Variants in MYOM1 observed in about 807,000 individuals in gnomAD.
The protein encoded by MYOM1 is myomesin-1.
A neutral mutation model predicts 205.3 loss-of-function variants in MYOM1; 164 were observed. That is an observed-to-expected ratio of 0.80 (90% CI 0.70 to 0.91). The LOEUF (loss-of-function observed/expected upper bound fraction) is 0.91, where lower values mean the gene tolerates loss of function less well. Ranked by LOEUF, MYOM1 falls within the 40% of genes least tolerant of loss-of-function variation. The pLI is 0.00. For synonymous variants in MYOM1, 772 were observed against 789.4 expected (o/e 0.98, Z 0.37); for missense variants, 2,011 against 2,127.3 (o/e 0.95, Z 1.08).
At chr18:3,193,060 G>C (rs2080933986) in intron 3 of MYOM1, among the ~76,000 whole-genome samples, 1 of 151,810 alleles carries the variant, frequency 6.6e-6, no homozygotes, top group Non-Finnish European at 1.5e-5. Flanking sequence ...CTTGAGCCCA[G>C]GAGTTCAAGA....
intron 23 of MYOM1, 72 bp downstream of exon 23, chr18:3,102,402 T>C: frequency 7.2e-7 from 1 of 1,398,162 alleles, no homozygotes; most frequent in Non-Finnish European, 9.7e-7. Flanking sequence ...GCAATTTAAG[T>C]GGAAATCAGA....
intron 2 of MYOM1, among the ~76,000 whole-genome samples, chr18:3,199,140 G>A (rs1164072334): frequency 1.6e-4 from 25 of 152,152 alleles, no homozygotes; most frequent in Admixed American, 1.6e-3. Context: ...TAGTCCATAA[G>A]GTAGTTCAAC....
At chr18:3,181,235 C>T (rs2080726399) in intron 5 of MYOM1, among the ~76,000 whole-genome samples, 1 of 152,068 alleles carries the variant, frequency 6.6e-6, no homozygotes, top group African/African-American at 2.4e-5. Context: ...CAAAGATGAT[C>T]TTTAATATAC....
At chr18:3,215,400 G>A (rs900068566) in intron 1 of MYOM1, 149 bp from the exon 2 acceptor site, 6 of 683,448 alleles carry the variant, frequency 8.8e-6, no homozygotes, top group Middle Eastern at 8.2e-4. Flanking sequence ...GAGGCCGGGA[G>A]CTCAAAATCA....
chr18:3,156,846 T>C (rs1223050148), intron 10 of MYOM1, among the ~76,000 whole-genome samples: 2 of 152,106 alleles, frequency 1.3e-5, no homozygotes, highest in Non-Finnish European at 2.9e-5. Flanking sequence ...CCTGACCTTG[T>C]GATCCGCCCG....
At chr18:3,089,148 A>C in intron 29 of MYOM1, 26 bp downstream of exon 29, 4 of 1,538,374 alleles carry the variant, frequency 2.6e-6, no homozygotes, top group Non-Finnish European at 3.6e-6. Context: ...CTTGAATCAA[A>C]TATTAAAAAT....
At chr18:3,182,579 GTGAAC>G (rs1567954646) in intron 5 of MYOM1, among the ~76,000 whole-genome samples, 1 of 152,210 alleles carries the variant, frequency 6.6e-6, no homozygotes, top group East Asian at 1.9e-4. Flanking sequence ...AGGGTGCACA[GTGAAC>G]CCTTCCTGGT....
chr18:3,073,739 A>G (rs1362442446), intron 36 of MYOM1, among the ~76,000 whole-genome samples: 2 of 152,192 alleles, frequency 1.3e-5, no homozygotes, highest in Admixed American at 1.3e-4. Flanking sequence ...CCACATGTGC[A>G]TTGGGGGAAT....
At chr18:3,083,122 A>G (rs1440932264) in intron 33 of MYOM1, among the ~76,000 whole-genome samples, 1 of 152,218 alleles carries the variant, frequency 6.6e-6, no homozygotes, top group Non-Finnish European at 1.5e-5. Flanking sequence ...GAGCCCAAGC[A>G]TGACTGTCTG....
chr18:3,138,418 G>C (rs1165070577), intron 14 of MYOM1, among the ~76,000 whole-genome samples: 1 of 152,094 alleles, frequency 6.6e-6, no homozygotes, highest in South Asian at 2.1e-4. Flanking sequence ...ATGGGATCTG[G>C]TCCCTTTGTG....
chr18:3,188,646 G>C, intron 4 of MYOM1, 102 bp downstream of exon 4: 1 of 1,204,764 alleles, frequency 8.3e-7, no homozygotes, highest in Non-Finnish European at 1.1e-6. Flanking sequence ...AAAAAAAAAA[G>C]AAACAAATCA....
intron 5 of MYOM1, among the ~76,000 whole-genome samples, chr18:3,184,002 T>C (rs1473046269): frequency 6.6e-6 from 1 of 152,054 alleles, no homozygotes; most frequent in East Asian, 1.9e-4. Flanking sequence ...GCTTCCTGGA[T>C]TCAAGTGATT....
At position 3,067,198 on chromosome 18, in the gene MYOM1, A is replaced by G; in HGVS notation, c.*64T>C. On this transcript the variant is annotated 3_prime_UTR_variant, in exon 38 of 38. Coordinates refer to ENST00000356443, the MANE Select transcript of MYOM1 (RefSeq NM_003803.4). ...GGAGGAGAAAGCATGAAGACGTCTC[A>G]TCCTTAACCCAAACCATTCACACCC... 1 of 1,489,948 alleles carries G rather than the reference A, an allele frequency of 6.7e-7. No homozygotes were observed. Among genetic ancestry groups the G allele is most frequent in the Non-Finnish European group, 9.0e-7 (1 of 1,106,424 alleles). The allele number at this position is 1,489,948 out of a possible 1,614,324, so 92.3% of individuals were successfully genotyped here.
chr18:3,169,007 G>C (rs1439052592), intron 8 of MYOM1, 26 bp from the exon 9 acceptor site: 3 of 1,568,398 alleles, frequency 1.9e-6, no homozygotes, highest in Non-Finnish European at 2.6e-6. Flanking sequence ...ACAAATATCA[G>C]TAATTTTTTT....
In MYOM1 at chr18:3,131,280, T is replaced by C. The variant is rs138992817; in HGVS notation, c.2506+95A>G. 7.7e-4 allele frequency: 1,063 copies of C among 1,376,366 alleles called. 10 individuals are homozygous for C. The African/African-American group carries it at 0.013, about 17-fold the overall frequency. 85.3% of individuals were successfully genotyped at this position (1,376,366 alleles called of 1,614,324 possible). A position where few individuals can be genotyped will look rare whatever the true frequency, so the allele number is the denominator to read the frequency against. On this transcript the variant is annotated intron_variant, in intron 17 of 37. Coordinates refer to ENST00000356443, the MANE Select transcript of MYOM1 (RefSeq NM_003803.4). ...CTAAGGATGCAATCATCCAGCAATA[T>C]TGGAAGCTAAATAATTTCTGGAGAG...
intron 18 of MYOM1, among the ~76,000 whole-genome samples, chr18:3,128,440 C>G (rs899059898): frequency 2.0e-5 from 3 of 152,168 alleles, no homozygotes; most frequent in African/African-American, 7.2e-5. Flanking sequence ...ATATTAGCCA[C>G]AGGTACCAAA....
intron 21 of MYOM1, among the ~76,000 whole-genome samples, chr18:3,113,661 G>A (rs900804018): frequency 6.6e-6 from 1 of 151,794 alleles, no homozygotes; most frequent in Non-Finnish European, 1.5e-5. Context: ...AACTTTCTTT[G>A]GGTTTTGAAT....
Position 3,126,707 on chromosome 18 carries a change from T to G in MYOM1, c.2985A>C (p.Ala995=). ...EANVKAVSEE[A]YKISNLKENM... ...CAGAAAGTCACGTGCTTACCTTGTA[T>G]GCCTCCTCACTGACAGCCTTGACAT... Residue 995 remains alanine (A), a synonymous_variant, in exon 19 of 38, where the codon GCA becomes GCC. Coordinates refer to ENST00000356443, the MANE Select transcript of MYOM1 (RefSeq NM_003803.4). The G allele has an allele frequency of 6.2e-7, 1 of 1,612,578 alleles. No homozygotes were observed. Among genetic ancestry groups the G allele is most frequent in the Non-Finnish European group, 8.5e-7 (1 of 1,179,038 alleles).
At chr18:3,134,319 A>G (rs544818452) in intron 16 of MYOM1, among the ~76,000 whole-genome samples, 9 of 152,302 alleles carry the variant, frequency 5.9e-5, no homozygotes, top group Non-Finnish European at 1.2e-4. Context: ...ACTCAAGCTC[A>G]AGGGATCCTC....
Sources: allele counts gnomAD v4.1 joint callset (sites outside exome capture counted in the v4.1 genomes callset), GRCh38; gene constraint gnomAD v4.1.1; transcripts MANE v1.5; gene names NCBI Gene and HGNC (gene_info 2026-07-23, HGNC 2026-07-21).